The following NELL1 variants were observed in gnomAD, a reference collection of about 807,000 sequenced individuals.
NELL1 encodes the protein neural EGFL like 1.
NELL1 carries 76 observed loss-of-function variants against 107.4 expected under a neutral mutation model. The ratio of observed to expected loss-of-function variants is 0.71; its 90% confidence interval spans 0.59 to 0.86. The LOEUF (loss-of-function observed/expected upper bound fraction) is 0.86, where lower values mean the gene tolerates loss of function less well. Among genes scored for constraint, NELL1 ranks in the 40% least tolerant of loss-of-function variants. The probability of loss-of-function intolerance (pLI) is 0.00; values close to 1 mark genes in which losing one functional copy is unlikely to be tolerated. For missense variants in NELL1, 1,024 were observed against 1,005.5 expected, an observed-to-expected ratio of 1.02 and a Z score of -0.25; for synonymous variants, 353 against 341.2, an observed-to-expected ratio of 1.03 and a Z score of -0.38.
At chr11:21,494,225 G>T (rs112761744) in intron 15 of NELL1, among the ~76,000 whole-genome samples, 24 of 151,960 alleles carry the variant, frequency 1.6e-4, no homozygotes, top group African/African-American at 5.8e-4. Flanking sequence ...CAAGTGTTTC[G>T]TAAACATCTA....
rs140900980 is a variant in NELL1 at position 20,745,922 on chromosome 11, C to G, written c.185-37758C>G. ...TGAGCTTAGTGTTCTTTCTGCTTCT[C>G]TGTGCTGGACCTCCATGTAAAGTGA... On this transcript the variant is annotated intron_variant, in intron 2 of 19. Coordinates refer to ENST00000357134, the MANE Select transcript of NELL1 (RefSeq NM_006157.5). Among the ~76,000 whole-genome samples the G allele has an allele frequency of 4.1e-3, 620 of 152,304 alleles. 2 individuals are homozygous for G. The highest frequency in any genetic ancestry group is 0.014 in the African/African-American group (571 of 41,556).
chr11:21,427,352 A>G (rs1334857184), intron 15 of NELL1, among the ~76,000 whole-genome samples: 2 of 152,202 alleles, frequency 1.3e-5, no homozygotes, highest in Non-Finnish European at 2.9e-5. Flanking sequence ...ACAGATGAGG[A>G]CAGATGCACT....
intron 2 of NELL1, among the ~76,000 whole-genome samples, chr11:20,751,804 T>G (rs1856147412): frequency 6.6e-6 from 1 of 152,210 alleles, no homozygotes; most frequent in Non-Finnish European, 1.5e-5. Context: ...GTTGGATTTA[T>G]TTTTTAATAT....
chr11:21,380,945 C>A (rs1372142676), intron 15 of NELL1, among the ~76,000 whole-genome samples: 1 of 151,986 alleles, frequency 6.6e-6, no homozygotes, highest in Admixed American at 6.6e-5. Context: ...TACTATACAT[C>A]TATTGTAAGC....
chr11:20,925,729 A>AT lies in NELL1; in HGVS notation c.760-1573dup, dbSNP rs201463116. 3.5e-3 allele frequency among the ~76,000 whole-genome samples: 539 copies of AT among 152,230 alleles called. 4 individuals are homozygous for AT. Among genetic ancestry groups the AT allele is most frequent in the African/African-American group, 0.012 (515 of 41,540 alleles). On this transcript the variant is annotated intron_variant, in intron 7 of 19. Transcript: ENST00000357134. ...TGCATGGTGGTTGGTCTAAGATCCT[A>AT]TTTTTTGTTTTTTCTACCCTTTGCT...
At chr11:21,278,180 A>C (rs979997748) in intron 14 of NELL1, among the ~76,000 whole-genome samples, 1 of 152,202 alleles carries the variant, frequency 6.6e-6, no homozygotes, top group African/African-American at 2.4e-5. Context: ...CCCTACAGCA[A>C]TGTCACACAA....
chr11:21,528,105 C>T (rs1196301801), intron 15 of NELL1, among the ~76,000 whole-genome samples: 2 of 152,176 alleles, frequency 1.3e-5, no homozygotes, highest in Non-Finnish European at 2.9e-5. Context: ...ACAGAAGGAA[C>T]TGAAGCCTGG....
chr11:21,418,777 G>T (rs1852583253), intron 15 of NELL1, among the ~76,000 whole-genome samples: 1 of 152,064 alleles, frequency 6.6e-6, no homozygotes, highest in South Asian at 2.1e-4. Context: ...GCATAGTTCA[G>T]CTACCTCCTT....
intron 12 of NELL1, among the ~76,000 whole-genome samples, chr11:21,072,728 G>A (rs966070063): frequency 1.3e-5 from 2 of 152,164 alleles, no homozygotes; most frequent in African/African-American, 4.8e-5. Context: ...AGTGAAGAAC[G>A]TATGCTTCAA....
intron 15 of NELL1, among the ~76,000 whole-genome samples, chr11:21,528,916 T>G (rs11026126): frequency 0.03 from 4,539 of 152,156 alleles, 153 homozygotes; most frequent in East Asian, 0.15. Context: ...TTTTTTTCCT[T>G]GTTTGCTTGT....
chr11:21,518,965 A>T (rs1351019143), intron 15 of NELL1, among the ~76,000 whole-genome samples: 2 of 152,202 alleles, frequency 1.3e-5, no homozygotes, highest in African/African-American at 4.8e-5. Flanking sequence ...AATTCTGGCA[A>T]TATGTAGCTC....
chr11:20,867,745 TTTAA>T, intron 4 of NELL1, among the ~76,000 whole-genome samples: 1 of 152,318 alleles, frequency 6.6e-6, no homozygotes, highest in East Asian at 1.9e-4. Context: ...CAAAAGGTTA[TTTAA>T]TTAAGAGAAA....
chr11:21,402,530 C>T (rs745580573), intron 15 of NELL1, among the ~76,000 whole-genome samples: 13 of 151,718 alleles, frequency 8.6e-5, no homozygotes, highest in Non-Finnish European at 1.9e-4. Flanking sequence ...TTCATCATCA[C>T]TCCATAACCA....
At chr11:21,316,181 A>C (rs1369259232) in intron 14 of NELL1, among the ~76,000 whole-genome samples, 5 of 152,014 alleles carry the variant, frequency 3.3e-5, no homozygotes, top group African/African-American at 7.2e-5. Flanking sequence ...CCACAGCTAA[A>C]TCCCTGATTT....
chr11:21,396,495 C>T (rs949772993), intron 15 of NELL1, among the ~76,000 whole-genome samples: 1 of 151,558 alleles, frequency 6.6e-6, no homozygotes, highest in African/African-American at 2.4e-5. Context: ...GGCCACAGGG[C>T]CATTTATGAA....
At chr11:21,464,900 A>G (rs761244393) in intron 15 of NELL1, among the ~76,000 whole-genome samples, 6 of 152,174 alleles carry the variant, frequency 3.9e-5, no homozygotes, top group Non-Finnish European at 7.4e-5. Flanking sequence ...ACTGCCATTC[A>G]CTGGCCTTCA....
At chr11:21,336,659 A>G (rs796830114) in intron 14 of NELL1, among the ~76,000 whole-genome samples, 2 of 88,622 alleles carry the variant, frequency 2.3e-5, no homozygotes, top group South Asian at 5.3e-4. Context: ...GTGTATATAT[A>G]TATATATATA....
At chr11:20,869,878 T>C (rs1849164152) in intron 4 of NELL1, among the ~76,000 whole-genome samples, 1 of 152,196 alleles carries the variant, frequency 6.6e-6, no homozygotes, top group African/African-American at 2.4e-5. Context: ...TTAGTTAGGA[T>C]GCTCTAGTTG....
chr11:21,469,053 C>T (rs1854105422), intron 15 of NELL1, among the ~76,000 whole-genome samples: 1 of 151,578 alleles, frequency 6.6e-6, no homozygotes, highest in Non-Finnish European at 1.5e-5. Flanking sequence ...CATCCATGAG[C>T]AAGAAGAACA....
Sources: allele counts gnomAD v4.1 joint callset (sites outside exome capture counted in the v4.1 genomes callset), GRCh38; gene constraint gnomAD v4.1.1; transcripts MANE v1.5; gene names NCBI Gene and HGNC (gene_info 2026-07-23, HGNC 2026-07-21).